CFAP46: variants seen among roughly 807,000 people sequenced by gnomAD.
CFAP46 encodes the protein cilia- and flagella-associated protein 46.
CFAP46 carries 245 observed loss-of-function variants against 325.7 expected under a neutral mutation model. That is an observed-to-expected ratio of 0.75 (90% CI 0.68 to 0.84). The LOEUF is 0.84. Ranked by LOEUF, CFAP46 falls within the 40% of genes least tolerant of loss-of-function variation. The pLI is 0.00. For missense variants in CFAP46, 3,346 were observed against 3,543.0 expected (o/e 0.94, Z 1.41); for synonymous variants, 1,523 against 1,495.9 (o/e 1.02, Z -0.42).
At chr10:132,916,710 G>C (rs1849645486) in intron 16 of CFAP46, 28 bp from the exon 17 acceptor site, 23 of 1,430,342 alleles carry the variant, frequency 1.6e-5, no homozygotes, top group Non-Finnish European at 2.0e-5. Flanking sequence ...GGTGGGAGGG[G>C]TCATGGGCGG....
At chr10:132,940,216 T>C (rs1406337766) in intron 4 of CFAP46, among the ~76,000 whole-genome samples, 2 of 152,194 alleles carry the variant, frequency 1.3e-5, no homozygotes, top group African/African-American at 2.4e-5. Flanking sequence ...AGCAGGCCGA[T>C]GTGGGTAGAA....
At chr10:132,912,588 T>TC in intron 19 of CFAP46, 67 bp downstream of exon 19, 1 of 1,325,552 alleles carries the variant, frequency 7.5e-7, no homozygotes, top group Non-Finnish European at 9.9e-7. Context: ...TCCTCTCCTC[T>TC]CTCTCTCTCC....
In CFAP46 at chr10:132,919,930, A is replaced by G. The variant is rs546224250; in HGVS notation, c.1730+129T>C. 2.0e-5 allele frequency: 25 copies of G among 1,239,456 alleles called. No individual in the cohort carries two copies. In the East Asian group the frequency reaches 6.4e-4, roughly 32 times the overall value. 76.8% of individuals were successfully genotyped at this position (1,239,456 alleles called of 1,614,324 possible). On this transcript the variant is annotated intron_variant, in intron 14 of 57. Coordinates refer to ENST00000368586, the MANE Select transcript of CFAP46 (RefSeq NM_001200049.3). The surrounding 1 kb of genome is among the most constrained non-coding windows in gnomAD (Gnocchi z 9.7). Reference sequence around the variant, plus strand: ...CAGGGACCTCGTCCCACCATCCTGGAGCAGGTGGCCTGGCGAGTCCCCAGA... The same window carrying G: ...CAGGGACCTCGTCCCACCATCCTGGGGCAGGTGGCCTGGCGAGTCCCCAGA...
At chr10:132,900,496 A>T (rs1484365260) in intron 22 of CFAP46, among the ~76,000 whole-genome samples, 1 of 152,268 alleles carries the variant, frequency 6.6e-6, no homozygotes, top group Non-Finnish European at 1.5e-5. Context: ...GCTCACGGGT[A>T]GACTCCCCTC....
chr10:132,877,748 G>A lies in CFAP46; in HGVS notation c.4212+133C>T, dbSNP rs538688784. The stretch of plus-strand genomic sequence containing the variant: ...GAACCCTGACAGGCAGGGAAACTGA[G>A]GCACAGGCCATCCCGGGCCCGGCCT... On this transcript the variant is annotated intron_variant, in intron 30 of 57. Transcript: ENST00000368586. The surrounding 1 kb of genome is among the most constrained non-coding windows in gnomAD (Gnocchi z 5.7). 1.3e-4 allele frequency: 119 copies of A among 913,848 alleles called. No individual in the cohort carries two copies. In the Middle Eastern group the frequency reaches 1.4e-3, roughly 11 times the overall value. The allele number at this position is 913,848 out of a possible 1,614,324, so 56.6% of individuals were successfully genotyped here. A position where few individuals can be genotyped will look rare whatever the true frequency, so the allele number is the denominator to read the frequency against.
chr10:132,846,938 C>G lies in CFAP46; in HGVS notation c.6261G>C (p.Leu2087=), dbSNP rs772732883. ...DPATTCQFLA[L]SQSCSASETM... is the part of the protein sequence containing the mutation. ...GGGCAGGGCAGAGACACACCTGAGA[C>G]AGAGCCAGGAACTGGCAGGTAGTTG... The change falls in exon 43 of 58, where the codon CTG becomes CTC. Residue 2087 remains leucine (L), a synonymous_variant. Coordinates refer to ENST00000368586, the MANE Select transcript of CFAP46 (RefSeq NM_001200049.3). 2 of 1,609,336 alleles carry G rather than the reference C, an allele frequency of 1.2e-6. No homozygotes were observed. The highest frequency in any genetic ancestry group is 4.5e-5 in the East Asian group (2 of 44,862).
intron 9 of CFAP46, among the ~76,000 whole-genome samples, chr10:132,927,995 G>A (rs1849837130): frequency 6.6e-6 from 1 of 152,222 alleles, no homozygotes; most frequent in South Asian, 2.1e-4. Context: ...CGGGCAAAGG[G>A]CCAGGACAGT....
At chr10:132,871,541 G>T (rs746709647) in intron 32 of CFAP46, among the ~76,000 whole-genome samples, 3 of 152,224 alleles carry the variant, frequency 2.0e-5, no homozygotes, top group Non-Finnish European at 4.4e-5. Context: ...GGAAGAAGTT[G>T]ATTCCAAACC....
Position 132,836,152 on chromosome 10 carries a change from C to T in CFAP46, c.6603G>A (p.Gln2201=), listed in dbSNP as rs1326852974. Residue 2201 remains glutamine (Q), a synonymous_variant, in exon 46 of 58, where the codon CAG becomes CAA. Coordinates refer to ENST00000368586, the MANE Select transcript of CFAP46 (RefSeq NM_001200049.3). ...KFITAAKGKV[Q]AVGGSCKVMR... ...TGCAGCCCTGCTCACCTCCCACCGC[C>T]TGCACCTTTCCTTTGGCTGCAGTAA... 4 of 1,608,244 alleles carry T rather than the reference C, an allele frequency of 2.5e-6. No homozygotes were observed. Among genetic ancestry groups the T allele is most frequent in the Admixed American group, 1.7e-5 (1 of 59,494 alleles).
Position 132,922,168 on chromosome 10 carries a change from A to G in CFAP46, c.1542T>C (p.Asn514=), listed in dbSNP as rs7915371. 0.49 allele frequency: 762,828 copies of G among 1,550,086 alleles called. 190,678 individuals are homozygous for G. The highest frequency in any genetic ancestry group is 0.65 in the African/African-American group (47,177 of 73,142). ...SVRKKRALLV[N]AGLALAPDAF... Reference sequence around the variant, plus strand: ...CGTCAGGGGCTAAGGCCAGGCCTGCATTCACCAGGAGGGCCCGCTTCTTCC... The same window carrying G: ...CGTCAGGGGCTAAGGCCAGGCCTGCGTTCACCAGGAGGGCCCGCTTCTTCC... The change falls in exon 13 of 58, where the codon AAT becomes AAC. Residue 514 remains asparagine, a synonymous_variant. Transcript: ENST00000368586.
intron 24 of CFAP46, among the ~76,000 whole-genome samples, chr10:132,893,434 G>A (rs565933611): frequency 1.3e-5 from 2 of 152,328 alleles, no homozygotes; most frequent in African/African-American, 4.8e-5. Flanking sequence ...GGAGGAGCCT[G>A]GCCCCTCCTC....
At chr10:132,848,999 G>C (rs1056420363) in intron 41 of CFAP46, among the ~76,000 whole-genome samples, 1 of 152,210 alleles carries the variant, frequency 6.6e-6, no homozygotes, top group Non-Finnish European at 1.5e-5. Flanking sequence ...TTTAAGCTTT[G>C]ATTTCAAGAA....
At chr10:132,938,159 C>A (rs1185389089) in intron 5 of CFAP46, among the ~76,000 whole-genome samples, 1 of 152,202 alleles carries the variant, frequency 6.6e-6, no homozygotes, top group South Asian at 2.1e-4. Context: ...GGGCTGAGAC[C>A]CAGCAAGGCC....
intron 50 of CFAP46, among the ~76,000 whole-genome samples, chr10:132,824,027 AGTGCTGATGTGTGCTGATGTGTGCTGTGT>A (rs1847967718): frequency 8.6e-5 from 6 of 69,372 alleles, no homozygotes; most frequent in African/African-American, 2.0e-4. Context: ...GTGCTGTGTG[AGTGCTGATGTGTGCTGATGTGTGCTGTGT>A]GTGCTGATGT....
intron 8 of CFAP46, among the ~76,000 whole-genome samples, chr10:132,933,237 T>C (rs1849940886): frequency 6.6e-6 from 1 of 152,108 alleles, no homozygotes; most frequent in Non-Finnish European, 1.5e-5. Context: ...TGTTGGGCCC[T>C]CTCAGGTCCT....
intron 49 of CFAP46, 141 bp from the exon 50 acceptor site, chr10:132,833,666 C>T: frequency 1.3e-6 from 1 of 783,876 alleles, no homozygotes; most frequent in South Asian, 1.8e-5. Context: ...CCTCCTCCTC[C>T]AGATGCCCCA....
Position 132,834,092 on chromosome 10 carries a change from C to A in CFAP46, c.6898G>T (p.Gly2300Trp). Residue 2300 changes from glycine (G) to tryptophan (W), a missense_variant, in exon 49 of 58, where the codon GGG becomes TGG. Coordinates refer to ENST00000368586, the MANE Select transcript of CFAP46 (RefSeq NM_001200049.3). ...VQTPAVVADS[G>W]KSKGKDKERK... ...TCCTTGTCTTTGCCCTTCGACTTCCCTGAATCGGCAACAACCGCAGGTGTC... is the reference window on the plus strand; with the variant it reads ...TCCTTGTCTTTGCCCTTCGACTTCCATGAATCGGCAACAACCGCAGGTGTC... 6.2e-7 allele frequency: 1 copy of A among 1,614,146 alleles called. No individual in the cohort carries two copies. Among genetic ancestry groups the A allele is most frequent in the Non-Finnish European group, 8.5e-7 (1 of 1,180,020 alleles).
intron 39 of CFAP46, among the ~76,000 whole-genome samples, chr10:132,853,082 T>C (rs9419241): frequency 0.096 from 12,543 of 130,054 alleles, 530 homozygotes; most frequent in Non-Finnish European, 0.11. Context: ...GGAACTCCCA[T>C]GTCAACACGG....
chr10:132,821,964 G>GTGC (rs1847850787), intron 50 of CFAP46, among the ~76,000 whole-genome samples: 1 of 145,934 alleles, frequency 6.9e-6, no homozygotes, highest in Non-Finnish European at 1.5e-5. Context: ...TGTGTGCTGT[G>GTGC]TGTGCGCTGA....
Sources: gnomAD v4.1 joint callset for allele counts (sites outside exome capture counted in the v4.1 genomes callset) on GRCh38, gnomAD v4.1.1 for gene constraint, Gnocchi (gnomAD v3.1) non-coding constraint, MANE v1.5 for transcripts, NCBI Gene and HGNC (gene_info 2026-07-23, HGNC 2026-07-21) for gene names.